Variants in MTG1 observed in about 807,000 individuals in gnomAD.
MTG1 encodes mitochondrial ribosome associated GTPase 1, also known as mitochondrial ribosome-associated GTPase 1.
MTG1 carries 30 observed loss-of-function variants against 39.5 expected under a neutral mutation model. That is an observed-to-expected ratio of 0.76 (90% CI 0.57 to 1.03). The LOEUF is 1.03. MTG1 is among the 50% of genes least tolerant of loss of function. The probability of loss-of-function intolerance (pLI) is 0.00; values close to 1 mark genes in which losing one functional copy is unlikely to be tolerated. For missense variants in MTG1, 513 were observed against 447.4 expected (o/e 1.15, Z -1.32); for synonymous variants, 217 against 179.0 (o/e 1.21, Z -1.69).
At position 133,402,846 on chromosome 10, in the gene MTG1, A is replaced by G; in HGVS notation, c.752+73A>G. ...CTCATTTAAAAAAAAAAAACAAACA[A>G]AAAAACCCCCAGCATTATAAAGGTA... On this transcript the variant is annotated intron_variant, in intron 9 of 10. Coordinates refer to ENST00000317502, the MANE Select transcript of MTG1 (RefSeq NM_138384.4). The surrounding 1 kb of genome is among the most constrained non-coding windows in gnomAD (Gnocchi z 4.7). 8.8e-7 allele frequency: 1 copy of G among 1,137,994 alleles called. No homozygotes were observed. Among genetic ancestry groups the G allele is most frequent in the Non-Finnish European group, 1.3e-6 (1 of 798,964 alleles). 70.5% of individuals were successfully genotyped at this position (1,137,994 alleles called of 1,614,324 possible).
chr10:133,401,790 G>A, intron 7 of MTG1, 200 bp downstream of exon 7: 1 of 708,952 alleles, frequency 1.4e-6, no homozygotes, highest in South Asian at 1.5e-5. Flanking sequence ...AACCTTTGGG[G>A]AAGGCACGCT....
chr10:133,401,502 G>A (rs751556529), intron 6 of MTG1, 27 bp from the exon 7 acceptor site: 1 of 1,539,900 alleles, frequency 6.5e-7, no homozygotes, highest in Non-Finnish European at 8.7e-7. Context: ...GTATACATTT[G>A]AGCCTCCTTT....
Position 133,402,923 on chromosome 10 carries a change from C to A in MTG1, c.752+150C>A. The A allele has an allele frequency of 3.2e-6, 2 of 622,116 alleles. No homozygotes were observed. The highest frequency in any genetic ancestry group is 5.6e-6 in the Non-Finnish European group (2 of 359,726). 38.5% of individuals were successfully genotyped at this position (622,116 alleles called of 1,614,324 possible). On this transcript the variant is annotated intron_variant, in intron 9 of 10. Transcript: ENST00000317502. The surrounding 1 kb of genome is among the most constrained non-coding windows in gnomAD (Gnocchi z 4.7). ...TTTAAAGCGTCCAGTTGGACAAGTT[C>A]GGGAGTATGGCTATACGTCTGTGAA... is the stretch of plus-strand genomic sequence containing the variant.
chr10:133,407,173 C>G (rs535918020), intron 9 of MTG1, among the ~76,000 whole-genome samples: 1 of 152,272 alleles, frequency 6.6e-6, no homozygotes, highest in South Asian at 2.1e-4. Flanking sequence ...GTGTTTTATG[C>G]CAGTAGCGTG....
chr10:133,401,543 GT>G lies in MTG1; in HGVS notation c.527del (p.Val176GlyfsTer11). On this transcript the variant is annotated frameshift_variant, in exon 7 of 11. Coordinates refer to ENST00000317502, the MANE Select transcript of MTG1 (RefSeq NM_138384.4). LOFTEE classifies it high-confidence loss of function. ...TTTTCCTACAGGGAAAGCCACCAGG[GT>G]GGGTGGCGAGCCTGGGATCACCAGA... is the stretch of plus-strand genomic sequence containing the variant. Reference protein sequence around the residue: ...QHLRKGKATRVGGEPGITRAV... With the variant: ...QHLRKGKATRXGGEPGITRAV... The G allele has an allele frequency of 1.3e-6, 2 of 1,588,126 alleles. No homozygotes were observed. The highest frequency in any genetic ancestry group is 1.7e-6 in the Non-Finnish European group (2 of 1,165,190).
intron 9 of MTG1, among the ~76,000 whole-genome samples, chr10:133,404,623 T>C (rs1849943148): frequency 6.6e-6 from 1 of 152,218 alleles, no homozygotes; most frequent in Non-Finnish European, 1.5e-5. Context: ...TAAGAAATCT[T>C]TGCTTAAACC....
intron 7 of MTG1, 145 bp downstream of exon 7, chr10:133,401,735 CA>C: frequency 1.3e-6 from 1 of 785,344 alleles, no homozygotes; most frequent in Non-Finnish European, 2.2e-6. Context: ...CCGGGGCAGG[CA>C]CTGCCCCTGC....
At chr10:133,414,706 C>T (rs1231412437) in intron 9 of MTG1, among the ~76,000 whole-genome samples, 3 of 152,168 alleles carry the variant, frequency 2.0e-5, no homozygotes, top group South Asian at 4.1e-4. Context: ...AGAGGGGCTC[C>T]TCACATCCCA....
In MTG1 at chr10:133,411,013, C is replaced by G. The variant is rs191422665; in HGVS notation, c.752+8240C>G. On this transcript the variant is annotated intron_variant, in intron 9 of 10. Coordinates refer to ENST00000317502, the MANE Select transcript of MTG1 (RefSeq NM_138384.4). Reference sequence around the variant, plus strand: ...TAGAGATGTGAATGAATGCACACCACATTCACAGTATTATTCTGAGTCTGT... The same window carrying G: ...TAGAGATGTGAATGAATGCACACCAGATTCACAGTATTATTCTGAGTCTGT... 3.3e-5 allele frequency among the ~76,000 whole-genome samples: 5 copies of G among 152,340 alleles called. No homozygotes were observed. In the East Asian group the frequency reaches 9.6e-4, roughly 29 times the overall value.
intron 9 of MTG1, among the ~76,000 whole-genome samples, chr10:133,409,107 T>C (rs540590691): frequency 1.3e-5 from 2 of 152,156 alleles, no homozygotes; most frequent in Admixed American, 6.5e-5. Flanking sequence ...GCTCTCACTT[T>C]TCTGGTGCCT....
intron 9 of MTG1, among the ~76,000 whole-genome samples, chr10:133,413,414 A>G (rs977346808): frequency 1.3e-5 from 2 of 150,176 alleles, no homozygotes; most frequent in Admixed American, 6.6e-5. Context: ...GCGCCTGGCT[A>G]ATTTTTTTGT....
intron 9 of MTG1, among the ~76,000 whole-genome samples, chr10:133,418,723 G>T (rs560870889): frequency 6.6e-6 from 1 of 152,172 alleles, no homozygotes; most frequent in East Asian, 1.9e-4. Context: ...GCCTGCCCTC[G>T]TGGGAGCCAC....
intron 6 of MTG1, 141 bp from the exon 7 acceptor site, chr10:133,401,388 C>T (rs1454112310): frequency 9.4e-6 from 6 of 636,186 alleles, no homozygotes; most frequent in Non-Finnish European, 5.3e-6. Context: ...CATAGTCTCC[C>T]TGCTTGGCTG....
At chr10:133,404,905 G>A (rs967992887) in intron 9 of MTG1, among the ~76,000 whole-genome samples, 1 of 152,168 alleles carries the variant, frequency 6.6e-6, no homozygotes, top group Non-Finnish European at 1.5e-5. Context: ...GTGACCGACC[G>A]TCTTGGTAAC....
At chr10:133,401,880 G>A (rs979096156) in intron 7 of MTG1, 12 of 603,688 alleles carry the variant, frequency 2.0e-5, no homozygotes, top group Middle Eastern at 3.9e-4. Flanking sequence ...GGCGCCCCCC[G>A]CCCCACCCTC....
chr10:133,415,056 C>A (rs1250301931), intron 9 of MTG1, among the ~76,000 whole-genome samples: 2 of 152,240 alleles, frequency 1.3e-5, no homozygotes, highest in East Asian at 3.8e-4. Flanking sequence ...ATTGGAGGCA[C>A]TCGGCAGGCT....
chr10:133,417,833 C>T (rs1417085001), intron 9 of MTG1, among the ~76,000 whole-genome samples: 1 of 152,182 alleles, frequency 6.6e-6, no homozygotes, highest in Non-Finnish European at 1.5e-5. Context: ...TGAAGGACCT[C>T]TTCAAGGAGA....
intron 9 of MTG1, among the ~76,000 whole-genome samples, chr10:133,406,740 G>T (rs187612621): frequency 7.1e-6 from 1 of 140,850 alleles, no homozygotes; most frequent in South Asian, 2.3e-4. Context: ...ATCTCGGCTC[G>T]CTGCAACCCC....
intron 5 of MTG1, 50 bp downstream of exon 5, chr10:133,399,276 G>A: frequency 2.5e-6 from 4 of 1,596,208 alleles, no homozygotes; most frequent in East Asian, 2.2e-5. Flanking sequence ...CGTGGGATGG[G>A]CCAGCCCCTC....
Sources: gnomAD v4.1 joint callset for allele counts (sites outside exome capture counted in the v4.1 genomes callset) on GRCh38, gnomAD v4.1.1 for gene constraint, Gnocchi (gnomAD v3.1) non-coding constraint, MANE v1.5 for transcripts, NCBI Gene and HGNC (gene_info 2026-07-23, HGNC 2026-07-21) for gene names.